The following DOCK5 variants were observed in gnomAD, a reference collection of about 807,000 sequenced individuals.
The protein encoded by DOCK5 is dedicator of cytokinesis 5.
Under a neutral mutation model 251.8 loss-of-function variants are expected in DOCK5, and 142 were observed. The observed-to-expected ratio is 0.56, with a 90% CI of 0.49 to 0.65. The LOEUF is 0.65. Among genes scored for constraint, DOCK5 ranks in the 30% least tolerant of loss-of-function variants. The probability of loss-of-function intolerance (pLI) is 0.00; values close to 1 mark genes in which losing one functional copy is unlikely to be tolerated. For missense variants in DOCK5, 2,111 were observed against 2,312.3 expected (o/e 0.91, Z 1.79); for synonymous variants, 842 against 835.5 (o/e 1.01, Z -0.13).
At chr8:25,400,868 C>A in intron 46 of DOCK5, 61 bp from the exon 47 acceptor site, 2 of 1,597,248 alleles carry the variant, frequency 1.3e-6, no homozygotes, top group South Asian at 1.1e-5. Flanking sequence ...CTTCCCCAAC[C>A]AAATCAAAAC....
chr8:25,382,788 C>A lies in DOCK5; in HGVS notation c.4131+10C>A. On this transcript the variant is annotated intron_variant, in intron 40 of 51. Transcript: ENST00000276440. ...TCCTTCTTTCCTACGGGTAAGAAAC[C>A]TGATGGTGGTCTCCCAGGCCATTAG... 6.2e-7 allele frequency: 1 copy of A among 1,601,078 alleles called. No individual in the cohort carries two copies. The highest frequency in any genetic ancestry group is 8.5e-7 in the Non-Finnish European group (1 of 1,170,058).
intron 5 of DOCK5, among the ~76,000 whole-genome samples, chr8:25,283,720 A>G (rs1804265009): frequency 6.6e-6 from 1 of 152,138 alleles, no homozygotes; most frequent in Non-Finnish European, 1.5e-5. Context: ...ATCTTAGGCA[A>G]AGTGGCCTTG....
chr8:25,322,515 T>A (rs957701735), intron 16 of DOCK5, among the ~76,000 whole-genome samples: 1 of 152,210 alleles, frequency 6.6e-6, no homozygotes, highest in Non-Finnish European at 1.5e-5. Context: ...TGGCATTTTT[T>A]AGGTCTAAAT....
intron 1 of DOCK5, among the ~76,000 whole-genome samples, chr8:25,236,388 T>C (rs527560082): frequency 9.8e-5 from 15 of 152,324 alleles, no homozygotes; most frequent in Non-Finnish European, 1.6e-4. Flanking sequence ...TTATTGAATA[T>C]GATTTTCTTG....
chr8:25,358,890 T>A, intron 27 of DOCK5, 73 bp from the exon 28 acceptor site: 1 of 1,366,546 alleles, frequency 7.3e-7, no homozygotes, highest in South Asian at 1.2e-5. Context: ...GCCAAGTTCA[T>A]GGGGCTCACA....
chr8:25,406,847 C>CT (rs969853551), intron 48 of DOCK5, among the ~76,000 whole-genome samples: 29 of 152,132 alleles, frequency 1.9e-4, no homozygotes, highest in African/African-American at 6.5e-4. Flanking sequence ...AGGCTGGTCT[C>CT]TAACTCCTGA....
intron 51 of DOCK5, 106 bp from the exon 52 acceptor site, chr8:25,411,088 C>T: frequency 7.4e-7 from 1 of 1,344,052 alleles, no homozygotes; most frequent in Non-Finnish European, 9.7e-7. Flanking sequence ...TGTAGATAAA[C>T]TCAGATCAAT....
At chr8:25,397,761 C>T (rs1400268465) in intron 45 of DOCK5, among the ~76,000 whole-genome samples, 1 of 147,388 alleles carries the variant, frequency 6.8e-6, no homozygotes, top group Non-Finnish European at 1.5e-5. Flanking sequence ...GTGACTGACA[C>T]ATAATATCAT....
chr8:25,260,524 A>G (rs905440616), intron 2 of DOCK5, among the ~76,000 whole-genome samples: 1 of 152,146 alleles, frequency 6.6e-6, no homozygotes, highest in Non-Finnish European at 1.5e-5. Flanking sequence ...CTTGTTGGGA[A>G]ATCATGCGTC....
At chr8:25,305,188 G>A (rs946360007) in intron 11 of DOCK5, 1 of 149,502 alleles carries the variant, frequency 6.7e-6, no homozygotes, top group African/African-American at 2.5e-5. Flanking sequence ...CAGACAAGTA[G>A]AACAAACTGA....
intron 1 of DOCK5, among the ~76,000 whole-genome samples, chr8:25,199,531 T>G (rs1333353574): frequency 1.3e-5 from 2 of 151,986 alleles, no homozygotes; most frequent in Non-Finnish European, 2.9e-5. Flanking sequence ...TTATAAGCAT[T>G]TGCCACCACA....
chr8:25,323,283 A>G (rs1805474851), intron 16 of DOCK5, among the ~76,000 whole-genome samples: 1 of 152,134 alleles, frequency 6.6e-6, no homozygotes, highest in Non-Finnish European at 1.5e-5. Flanking sequence ...AGCACCATAA[A>G]CCCTAGAGTA....
intron 23 of DOCK5, 113 bp downstream of exon 23, chr8:25,341,101 T>C (rs1025198635): frequency 2.9e-6 from 2 of 682,648 alleles, no homozygotes; most frequent in African/African-American, 3.6e-5. Flanking sequence ...GGTTCATGCA[T>C]AGCTTATGAA....
chr8:25,224,843 T>G (rs1413025002), intron 1 of DOCK5, among the ~76,000 whole-genome samples: 1 of 152,238 alleles, frequency 6.6e-6, no homozygotes, highest in Non-Finnish European at 1.5e-5. Context: ...CCTGGCACCC[T>G]TCTCAGGAGA....
chr8:25,380,855 G>T (rs1199428897), intron 39 of DOCK5, among the ~76,000 whole-genome samples: 28 of 151,730 alleles, frequency 1.8e-4, no homozygotes, highest in Admixed American at 1.8e-3. Flanking sequence ...ATGCCCAGTG[G>T]AGGCAGCCAC....
chr8:25,284,611 C>T (rs1804285210), intron 5 of DOCK5, among the ~76,000 whole-genome samples: 1 of 152,210 alleles, frequency 6.6e-6, no homozygotes, highest in African/African-American at 2.4e-5. Context: ...GCCTCTTTTC[C>T]TTTCTGTCAA....
At chr8:25,332,757 A>G in intron 20 of DOCK5, 65 bp downstream of exon 20, 2 of 1,170,590 alleles carry the variant, frequency 1.7e-6, no homozygotes, top group African/African-American at 1.5e-5. Flanking sequence ...ATATTTCACT[A>G]TTATAAGTGA....
rs922465605 is a variant in DOCK5 at position 25,302,434 on chromosome 8, G to A, written c.956G>A (p.Arg319Gln). Residue 319 changes from arginine to glutamine, a missense_variant, in exon 10 of 52, where the codon CGA becomes CAA. This residue lies in a region of DOCK5 where 59 missense variants were observed against 95.0 expected (regional missense o/e 0.62). Transcript: ENST00000276440. ...KEGKKHTCGL[R>Q]RPFGVAVMDI... Reference sequence around the variant, plus strand: ...GGCAAGAAGCACACCTGTGGACTCCGAAGACCTTTTGGAGTGGCAGGTACA... The same window carrying A: ...GGCAAGAAGCACACCTGTGGACTCCAAAGACCTTTTGGAGTGGCAGGTACA... The A allele has an allele frequency of 3.8e-5, 60 of 1,575,718 alleles. No homozygotes were observed. The highest frequency in any genetic ancestry group is 4.7e-5 in the Non-Finnish European group (55 of 1,160,648).
chr8:25,333,229 C>G (rs2117219253), intron 20 of DOCK5, among the ~76,000 whole-genome samples: 1 of 152,270 alleles, frequency 6.6e-6, no homozygotes, highest in East Asian at 1.9e-4. Flanking sequence ...GGGGAAGAAG[C>G]TGAAAGGCTC....
Sources: gnomAD v4.1 joint callset for allele counts (sites outside exome capture counted in the v4.1 genomes callset) on GRCh38, gnomAD v4.1.1 for gene constraint, gnomAD v4.1.1 regional missense constraint, MANE v1.5 for transcripts, NCBI Gene and HGNC (gene_info 2026-07-23, HGNC 2026-07-21) for gene names.